The following FBXW8 variants were observed in gnomAD, a reference collection of about 807,000 sequenced individuals.
The protein encoded by FBXW8 is F-box and WD repeat domain containing 8.
A neutral mutation model predicts 65.3 loss-of-function variants in FBXW8; 57 were observed. That is an observed-to-expected ratio of 0.87 (90% CI 0.71 to 1.09). The LOEUF (loss-of-function observed/expected upper bound fraction) is 1.09. FBXW8 is among the 50% of genes least tolerant of loss of function. The pLI is 0.00. For missense variants in FBXW8, 777 were observed against 814.8 expected (o/e 0.95, Z 0.57); for synonymous variants, 308 against 330.2 (o/e 0.93, Z 0.73).
At chr12:117,003,834 CTT>C (rs1360773859) in intron 7 of FBXW8, among the ~76,000 whole-genome samples, 1 of 152,206 alleles carries the variant, frequency 6.6e-6, no homozygotes, top group African/African-American at 2.4e-5. Context: ...ACTTTCTCTC[CTT>C]TTGACTGCTT....
At chr12:116,967,755 G>T (rs186133425) in intron 5 of FBXW8, among the ~76,000 whole-genome samples, 1 of 152,024 alleles carries the variant, frequency 6.6e-6, no homozygotes, top group South Asian at 2.1e-4. Context: ...TATTTTTTCC[G>T]TAAGTCACTT....
intron 3 of FBXW8, 72 bp downstream of exon 3, chr12:116,945,600 A>G (rs1267425123): frequency 6.8e-7 from 1 of 1,463,792 alleles, no homozygotes; most frequent in Non-Finnish European, 9.4e-7. Flanking sequence ...GCTTTCACTC[A>G]TAGCCTGAGA....
chr12:116,973,303 C>T (rs1025449553), intron 5 of FBXW8, among the ~76,000 whole-genome samples: 2 of 151,910 alleles, frequency 1.3e-5, no homozygotes, highest in African/African-American at 2.4e-5. Flanking sequence ...TTGATTCAGA[C>T]AAAAAATCAA....
At position 117,029,093 on chromosome 12, in the gene FBXW8, A is replaced by G. The variant is rs956584757; in HGVS notation, c.*921A>G. 2 of 152,230 alleles carry G rather than the reference A, an allele frequency of 1.3e-5. No homozygotes were observed. Among genetic ancestry groups the G allele is most frequent in the Non-Finnish European group, 2.9e-5 (2 of 68,038 alleles). 9.4% of individuals were successfully genotyped at this position (152,230 alleles called of 1,614,324 possible). A position where few individuals can be genotyped will look rare whatever the true frequency, so the allele number is the denominator to read the frequency against. The stretch of plus-strand genomic sequence containing the variant: ...TAAAGATCTGGAGGATTTACTTAGT[A>G]TCGCTAACAAGCTGGATCCAGTAGA... On this transcript the variant is annotated 3_prime_UTR_variant, in exon 11 of 11. Coordinates refer to ENST00000652555, the MANE Select transcript of FBXW8 (RefSeq NM_153348.3).
chr12:117,009,066 TCAAAAA>T (rs991873854), intron 7 of FBXW8, among the ~76,000 whole-genome samples: 1 of 149,618 alleles, frequency 6.7e-6, no homozygotes, highest in Non-Finnish European at 1.5e-5. Flanking sequence ...AGACTCAGTC[TCAAAAA>T]CAAAAACAAA....
chr12:117,022,548 G>T (rs117099816), intron 8 of FBXW8, among the ~76,000 whole-genome samples: 3 of 151,796 alleles, frequency 2.0e-5, no homozygotes, highest in African/African-American at 7.3e-5. Flanking sequence ...CCAGCTATTC[G>T]GGACGCTGAG....
At chr12:116,928,953 G>T (rs945125868) in intron 2 of FBXW8, among the ~76,000 whole-genome samples, 1 of 152,096 alleles carries the variant, frequency 6.6e-6, no homozygotes, top group Non-Finnish European at 1.5e-5. Flanking sequence ...TGGGACTGCG[G>T]GCATGTGCTG....
intron 1 of FBXW8, 51 bp downstream of exon 1, chr12:116,911,406 C>T (rs1266835302): frequency 1.0e-5 from 12 of 1,182,166 alleles, no homozygotes; most frequent in Non-Finnish European, 1.2e-5. Context: ...GCCCCCGCCC[C>T]CAGGACAAAC....
At chr12:116,954,815 A>C (rs868528183) in intron 4 of FBXW8, among the ~76,000 whole-genome samples, 1 of 152,260 alleles carries the variant, frequency 6.6e-6, no homozygotes, top group Admixed American at 6.5e-5. Context: ...CATCCCTGCC[A>C]TCTTCCTGTT....
At position 116,932,843 on chromosome 12, in the gene FBXW8, T is replaced by C. The variant is rs573651438; in HGVS notation, c.423+4716T>C. ...CACTGTGCCCAGCCGTTCTAATCTT[T>C]CTTTGTGAAGCATTTTGCTTAATCG... On this transcript the variant is annotated intron_variant, in intron 2 of 10. Coordinates refer to ENST00000652555, the MANE Select transcript of FBXW8 (RefSeq NM_153348.3). Among the ~76,000 whole-genome samples the C allele has an allele frequency of 5.3e-5, 8 of 152,328 alleles. No individual in the cohort carries two copies. In the South Asian group the frequency reaches 1.7e-3, roughly 32 times the overall value.
At chr12:116,971,280 G>A (rs1467665416) in intron 5 of FBXW8, among the ~76,000 whole-genome samples, 1 of 151,734 alleles carries the variant, frequency 6.6e-6, no homozygotes, top group African/African-American at 2.4e-5. Context: ...GATCACTTGA[G>A]CCCTGGAAGT....
At chr12:117,005,106 G>A (rs937437375) in intron 7 of FBXW8, among the ~76,000 whole-genome samples, 4 of 152,250 alleles carry the variant, frequency 2.6e-5, no homozygotes, top group Non-Finnish European at 4.4e-5. Context: ...CATCTGAATA[G>A]TATGAAGAGA....
intron 1 of FBXW8, among the ~76,000 whole-genome samples, chr12:116,926,416 A>G (rs139862308): frequency 1.1e-4 from 16 of 152,304 alleles, no homozygotes; most frequent in South Asian, 2.1e-4. Context: ...TTGCAAATGA[A>G]AGTTTCTTCG....
At chr12:116,960,630 CTCA>C (rs1565915218) in intron 4 of FBXW8, among the ~76,000 whole-genome samples, 1 of 152,158 alleles carries the variant, frequency 6.6e-6, no homozygotes, top group East Asian at 1.9e-4. Context: ...GGGTGTTTCA[CTCA>C]TCATTACCAT....
At position 116,914,572 on chromosome 12, in the gene FBXW8, C is replaced by CAAAAAAAA. The variant is rs142680270; in HGVS notation, c.318+3231_318+3238dup. Among the ~76,000 whole-genome samples the CAAAAAAAA allele has an allele frequency of 2.4e-5, 2 of 83,790 alleles. 1 individual carries two copies. Among genetic ancestry groups the CAAAAAAAA allele is most frequent in the Non-Finnish European group, 4.1e-5 (2 of 48,208 alleles). The allele number at this position is 83,790 out of a possible 152,430, so 55.0% of individuals were successfully genotyped here. ...TAGGTGACAGAGCGAAACCCTGTCT[C>CAAAAAAAA]AAAAAAAAAAAAAAAAAAAAAGGCT... On this transcript the variant is annotated intron_variant, in intron 1 of 10. Coordinates refer to ENST00000652555, the MANE Select transcript of FBXW8 (RefSeq NM_153348.3).
chr12:116,990,342 G>T (rs1368625362), intron 7 of FBXW8, among the ~76,000 whole-genome samples: 1 of 152,218 alleles, frequency 6.6e-6, no homozygotes, highest in East Asian at 1.9e-4. Flanking sequence ...GCTGGAAGAT[G>T]TGTCATGATA....
At chr12:116,951,186 G>A (rs1393107293) in intron 4 of FBXW8, 7 of 152,362 alleles carry the variant, frequency 4.6e-5, no homozygotes, top group African/African-American at 1.4e-4. Context: ...TCGATAGGAT[G>A]AAACTTGATC....
At chr12:117,021,437 C>G (rs552460736) in intron 8 of FBXW8, among the ~76,000 whole-genome samples, 9 of 151,870 alleles carry the variant, frequency 5.9e-5, no homozygotes, top group Non-Finnish European at 1.3e-4. Context: ...AAAGTTAAAC[C>G]CTTTTTTCAC....
At position 117,020,999 on chromosome 12, in the gene FBXW8, G is replaced by T. The variant is rs117880564; in HGVS notation, c.1368-3148G>T. 1.2e-4 allele frequency among the ~76,000 whole-genome samples: 19 copies of T among 152,302 alleles called. No homozygotes were observed. In the East Asian group the frequency reaches 3.7e-3, roughly 29 times the overall value. ...CTACCTCCTCGAAGTGGAATTGCCGGCTCAGAAGTGAGGTGCATGTGGTAT... is the reference window on the plus strand; with the variant it reads ...CTACCTCCTCGAAGTGGAATTGCCGTCTCAGAAGTGAGGTGCATGTGGTAT... On this transcript the variant is annotated intron_variant, in intron 8 of 10. Transcript: ENST00000652555.
Sources: allele counts gnomAD v4.1 joint callset (sites outside exome capture counted in the v4.1 genomes callset), GRCh38; gene constraint gnomAD v4.1.1; transcripts MANE v1.5; gene names NCBI Gene and HGNC (gene_info 2026-07-23, HGNC 2026-07-21).